The following SAMMSON variants were observed in gnomAD, a reference collection of about 807,000 sequenced individuals.
The protein encoded by SAMMSON is long intergenic non-protein coding RNA 1212.
intron 4 of SAMMSON, among the ~76,000 whole-genome samples, chr3:70,104,752 G>A (rs571376552): frequency 1.4e-4 from 21 of 152,138 alleles, no homozygotes; most frequent in Non-Finnish European, 2.6e-4. Flanking sequence ...TGGGTGTCAA[G>A]GCCTGGGGTG....
intron 7 of SAMMSON, among the ~76,000 whole-genome samples, chr3:70,299,683 C>T (rs1324939066): frequency 6.6e-6 from 1 of 152,098 alleles, no homozygotes; most frequent in Non-Finnish European, 1.5e-5. Flanking sequence ...CAACAAGCTT[C>T]TAACTAGTCA....
rs2106687252 is a variant in SAMMSON, at chr3:70,286,183, T to G, written n.675-4996T>G. On this transcript the variant is annotated intron_variant and non_coding_transcript_variant, in intron 6 of 9. Coordinates refer to ENST00000642114, the Ensembl canonical transcript of SAMMSON. ...CCTAGGTTTTCTTCTAGGCTTTTTA[T>G]GGTTTTAGGTCTAAAGTTTAAGTCT... 2.0e-5 allele frequency among the ~76,000 whole-genome samples: 3 copies of G among 152,344 alleles called. No individual in the cohort carries two copies. The Middle Eastern group carries it at 0.01, about 518-fold the overall frequency.
At chr3:70,267,702 C>T (rs994118636) in intron 6 of SAMMSON, among the ~76,000 whole-genome samples, 1 of 151,678 alleles carries the variant, frequency 6.6e-6, no homozygotes, top group Non-Finnish European at 1.5e-5. Flanking sequence ...AGGCGAGAGC[C>T]ACCCCGCCCA....
At chr3:70,308,439 A>AT (rs1702423918) in intron 7 of SAMMSON, among the ~76,000 whole-genome samples, 1 of 152,016 alleles carries the variant, frequency 6.6e-6, no homozygotes, top group Admixed American at 6.6e-5. Context: ...AAAATGAATG[A>AT]TTTTTTGGGT....
At chr3:70,296,735 C>T (rs1445239164) in intron 7 of SAMMSON, among the ~76,000 whole-genome samples, 2 of 152,080 alleles carry the variant, frequency 1.3e-5, no homozygotes, top group South Asian at 2.1e-4. Flanking sequence ...AGTGTCATTC[C>T]TTTAACTCCT....
chr3:70,101,958 C>A, intron 4 of SAMMSON, among the ~76,000 whole-genome samples: 1 of 152,114 alleles, frequency 6.6e-6, no homozygotes, highest in East Asian at 1.9e-4. Context: ...GGTAGTGTTC[C>A]AATATTGGAA....
intron 1 of SAMMSON, chr3:70,009,213 G>A (rs2066943126): frequency 1.3e-5 from 2 of 152,166 alleles, no homozygotes; most frequent in Non-Finnish European, 2.9e-5. Flanking sequence ...CAGAAGGAAT[G>A]GTACCAGCTC....
intron 4 of SAMMSON, among the ~76,000 whole-genome samples, chr3:70,132,736 G>A (rs891207586): frequency 2.7e-5 from 4 of 146,424 alleles, no homozygotes; most frequent in African/African-American, 7.6e-5. Flanking sequence ...GAGCTCAGGA[G>A]TTCGAGATCA....
At chr3:70,355,734 C>T (rs900622842) in intron 8 of SAMMSON, among the ~76,000 whole-genome samples, 1 of 152,094 alleles carries the variant, frequency 6.6e-6, no homozygotes, top group Non-Finnish European at 1.5e-5. Context: ...TATAGACATA[C>T]TCTACAGATT....
intron 7 of SAMMSON, among the ~76,000 whole-genome samples, chr3:70,318,497 TCTTA>T (rs1702511649): frequency 6.6e-6 from 1 of 151,694 alleles, no homozygotes; most frequent in Non-Finnish European, 1.5e-5. Context: ...TGTGTGTAGT[TCTTA>T]CTTCTTAGAT....
intron 6 of SAMMSON, among the ~76,000 whole-genome samples, chr3:70,284,998 C>T (rs1702128392): frequency 6.6e-6 from 1 of 152,046 alleles, no homozygotes; most frequent in Non-Finnish European, 1.5e-5. Flanking sequence ...TAAATCACTG[C>T]AGTTCCAAAT....
chr3:70,094,796 G>T (rs2067317694), intron 4 of SAMMSON: 1 of 152,236 alleles, frequency 6.6e-6, no homozygotes, highest in Admixed American at 6.5e-5. Context: ...TTGTTGCAGG[G>T]TGCCAACCAA....
chr3:70,225,838 G>T (rs1384927119), intron 4 of SAMMSON, among the ~76,000 whole-genome samples: 4 of 152,160 alleles, frequency 2.6e-5, no homozygotes, highest in Non-Finnish European at 5.9e-5. Context: ...GTTATAATGA[G>T]CTTTGTTTAG....
At chr3:70,017,657 G>C (rs1313021790) in intron 3 of SAMMSON, among the ~76,000 whole-genome samples, 2 of 152,110 alleles carry the variant, frequency 1.3e-5, no homozygotes, top group African/African-American at 4.8e-5. Flanking sequence ...TCCCTGTCTT[G>C]TGCCAGTTTT....
At chr3:70,352,103 A>T in intron 7 of SAMMSON, among the ~76,000 whole-genome samples, 1 of 91,454 alleles carries the variant, frequency 1.1e-5, no homozygotes, top group East Asian at 2.4e-4. Context: ...CCAACTTCTC[A>T]ATCTGGCAAA....
At chr3:70,167,673 C>G (rs1418836681) in intron 4 of SAMMSON, among the ~76,000 whole-genome samples, 1 of 151,870 alleles carries the variant, frequency 6.6e-6, no homozygotes, top group African/African-American at 2.4e-5. Context: ...GATGCATCAG[C>G]TTTCTTGCTA....
In SAMMSON at chr3:70,293,899, C is replaced by A. The variant is rs376045783; in HGVS notation, n.739+2656C>A. ...TTTATTTTTGTGTTACATGTTGAAG[C>A]CTAAAGAGACCCTTGGAGCCAGAAA... On this transcript the variant is annotated intron_variant and non_coding_transcript_variant, in intron 7 of 9. Transcript: ENST00000642114. Among the ~76,000 whole-genome samples the A allele has an allele frequency of 3.3e-5, 5 of 151,798 alleles. No homozygotes were observed. The South Asian group carries it at 1.0e-3, about 32-fold the overall frequency.
chr3:70,317,955 CTCTT>C (rs993173243), intron 7 of SAMMSON, among the ~76,000 whole-genome samples: 2 of 151,578 alleles, frequency 1.3e-5, no homozygotes, highest in African/African-American at 4.8e-5. Context: ...TTTGTTCTCT[CTCTT>C]TCTCTTTTTA....
intron 4 of SAMMSON, among the ~76,000 whole-genome samples, chr3:70,199,388 A>C (rs1701212815): frequency 6.6e-6 from 1 of 152,154 alleles, no homozygotes; most frequent in African/African-American, 2.4e-5. Context: ...AAGAAAAAAA[A>C]AAGTTTTGGC....
Sources: gnomAD v4.1 joint callset for allele counts (sites outside exome capture counted in the v4.1 genomes callset) on GRCh38, gnomAD v4.1.1 for gene constraint, MANE v1.5 for transcripts, NCBI Gene and HGNC (gene_info 2026-07-23, HGNC 2026-07-21) for gene names.